Variants in PDCD6IP observed in about 807,000 individuals in gnomAD.
The protein encoded by PDCD6IP is programmed cell death 6-interacting protein.
PDCD6IP carries 43 observed loss-of-function variants against 103.7 expected under a neutral mutation model. The observed-to-expected ratio is 0.41, with a 90% CI of 0.32 to 0.53. The LOEUF is 0.53. Ranked by LOEUF, PDCD6IP falls within the 20% of genes least tolerant of loss-of-function variation. The probability of loss-of-function intolerance (pLI) is 0.16; values close to 1 mark genes in which losing one functional copy is unlikely to be tolerated. For missense variants in PDCD6IP, 871 were observed against 1,036.7 expected (o/e 0.84, Z 2.20); for synonymous variants, 354 against 378.7 (o/e 0.93, Z 0.76).
chr3:33,807,739 T>C (rs1553704897), intron 1 of PDCD6IP, among the ~76,000 whole-genome samples: 1 of 152,230 alleles, frequency 6.6e-6, no homozygotes. Flanking sequence ...AATTTTGGGA[T>C]GGCCCAACCT....
chr3:33,849,269 G>A (rs1273756103), intron 12 of PDCD6IP, among the ~76,000 whole-genome samples: 2 of 152,096 alleles, frequency 1.3e-5, no homozygotes, highest in Non-Finnish European at 2.9e-5. Context: ...GCTTGTGCCT[G>A]CCACAGGACT....
At position 33,838,232 on chromosome 3, in the gene PDCD6IP, A is replaced by G; in HGVS notation, c.1086A>G (p.Ser362=). The change falls in exon 9 of 18, where the codon TCA becomes TCG. Residue 362 remains serine, a synonymous_variant. Transcript: ENST00000307296. The part of the protein sequence containing the change: ...TDLFEKMVPV[S]VQQSLAAYNQ... ...TGTTTGAGAAGATGGTTCCCGTGTC[A>G]GTACAGCAGTCTTTGGCTGCCTATA... The G allele has an allele frequency of 6.2e-7, 1 of 1,613,614 alleles. No individual in the cohort carries two copies. Among genetic ancestry groups the G allele is most frequent in the Non-Finnish European group, 8.5e-7 (1 of 1,179,576 alleles).
intron 7 of PDCD6IP, among the ~76,000 whole-genome samples, chr3:33,833,224 T>C (rs887846978): frequency 1.3e-5 from 2 of 152,104 alleles, no homozygotes; most frequent in African/African-American, 4.8e-5. Context: ...ATATTAATAT[T>C]AATTAGTAGT....
At chr3:33,826,431 C>G in intron 5 of PDCD6IP, 49 bp from the exon 6 acceptor site, 4 of 1,279,624 alleles carry the variant, frequency 3.1e-6, no homozygotes, top group East Asian at 2.4e-5. Context: ...TGAGACATGT[C>G]AGATTAGCTC....
intron 15 of PDCD6IP, 142 bp from the exon 16 acceptor site, chr3:33,863,864 T>A (rs1382462893): frequency 3.1e-6 from 2 of 643,060 alleles, no homozygotes; most frequent in African/African-American, 3.7e-5. Context: ...TGTACTAATT[T>A]GAAATGTAGT....
intron 1 of PDCD6IP, among the ~76,000 whole-genome samples, chr3:33,804,059 T>C (rs1371788625): frequency 2.0e-5 from 3 of 152,196 alleles, no homozygotes; most frequent in African/African-American, 7.2e-5. Flanking sequence ...TGGATTCTCG[T>C]TGTTGGTTTG....
intron 10 of PDCD6IP, among the ~76,000 whole-genome samples, 188 bp downstream of exon 10, chr3:33,842,262 CAT>C: frequency 6.6e-6 from 1 of 152,258 alleles, no homozygotes; most frequent in South Asian, 2.1e-4. Flanking sequence ...GAATGGGTTT[CAT>C]TCTTATCTTA....
At chr3:33,804,256 G>C (rs909787256) in intron 1 of PDCD6IP, among the ~76,000 whole-genome samples, 2 of 152,188 alleles carry the variant, frequency 1.3e-5, no homozygotes, top group African/African-American at 2.4e-5. Context: ...TTGAATCTCA[G>C]GTTCCGCACA....
Position 33,848,408 on chromosome 3 carries a change from T to C in PDCD6IP, c.1641+2820T>C, listed in dbSNP as rs573183809. Among the ~76,000 whole-genome samples the C allele has an allele frequency of 5.7e-4, 84 of 147,310 alleles. No homozygotes were observed. In the South Asian group the frequency reaches 0.017, roughly 31 times the overall value. ...GATTTTGTTGAGGGCATTTCTTTCT[T>C]TCTTTTTTTTTTTTGAGACGGAGTC... On this transcript the variant is annotated intron_variant, in intron 12 of 17. Coordinates refer to ENST00000307296, the MANE Select transcript of PDCD6IP (RefSeq NM_013374.6).
intron 7 of PDCD6IP, among the ~76,000 whole-genome samples, chr3:33,833,249 C>T (rs985385514): frequency 4.6e-5 from 7 of 151,700 alleles, no homozygotes; most frequent in African/African-American, 1.7e-4. Context: ...AGTCATAATC[C>T]AGTATTATCC....
At chr3:33,810,986 A>G in intron 1 of PDCD6IP, 1 of 278,130 alleles carries the variant, frequency 3.6e-6, no homozygotes. Context: ...CTCCAGATCA[A>G]GTGATCCTCC....
rs985260257 is a variant in PDCD6IP at position 33,828,442 on chromosome 3, C to T, written c.718-411C>T. 2.6e-5 allele frequency: 4 copies of T among 153,036 alleles called. No homozygotes were observed. The Admixed American group carries it at 2.6e-4, about 10-fold the overall frequency. The allele number at this position is 153,036 out of a possible 1,614,324, so 9.5% of individuals were successfully genotyped here. A position where few individuals can be genotyped will look rare whatever the true frequency, so the allele number is the denominator to read the frequency against. ...ATGTGAGTAATGATGGTTTAGTTAA[C>T]TCTACAGGCTGGGTAAGGGCTCATA... is the stretch of plus-strand genomic sequence containing the variant. On this transcript the variant is annotated intron_variant, in intron 6 of 17. Transcript: ENST00000307296.
At chr3:33,832,763 C>G (rs76516141) in intron 7 of PDCD6IP, among the ~76,000 whole-genome samples, 1 of 152,116 alleles carries the variant, frequency 6.6e-6, no homozygotes, top group South Asian at 2.1e-4. Flanking sequence ...ATACTTGAGA[C>G]TGTTTTAATG....
chr3:33,818,031 C>T (rs1696894680), intron 3 of PDCD6IP, among the ~76,000 whole-genome samples: 1 of 148,900 alleles, frequency 6.7e-6, no homozygotes, highest in Admixed American at 6.7e-5. Flanking sequence ...ACATAATAGA[C>T]TGAGATATGT....
Position 33,809,456 on chromosome 3 carries a change from T to C in PDCD6IP, c.210-2616T>C, listed in dbSNP as rs1312337780. Among the ~76,000 whole-genome samples the C allele has an allele frequency of 2.0e-5, 3 of 152,112 alleles. No individual in the cohort carries two copies. In the East Asian group the frequency reaches 5.8e-4, roughly 29 times the overall value. On this transcript the variant is annotated intron_variant, in intron 1 of 17. Coordinates refer to ENST00000307296, the MANE Select transcript of PDCD6IP (RefSeq NM_013374.6). ...AATATCCTGAGATGAGGCTGGAGAG[T>C]TGGATGATAGCCATATCCTGTAAGA...
At position 33,798,953 on chromosome 3, in the gene PDCD6IP, G is replaced by T; in HGVS notation, c.209+16G>T. 1 of 1,516,122 alleles carries T rather than the reference G, an allele frequency of 6.6e-7. No homozygotes were observed. The allele number at this position is 1,516,122 out of a possible 1,614,324, so 93.9% of individuals were successfully genotyped here. A position where few individuals can be genotyped will look rare whatever the true frequency, so the allele number is the denominator to read the frequency against. ...CGCTCCTGAGGTGGGCGCGGGGCTG[G>T]GAGTGGGTAGGTTGTCTGCCAGCCG... On this transcript the variant is annotated intron_variant, in intron 1 of 17. Transcript: ENST00000307296.
intron 12 of PDCD6IP, among the ~76,000 whole-genome samples, chr3:33,848,427 C>T (rs1421437873): frequency 1.4e-5 from 2 of 144,772 alleles, no homozygotes; most frequent in East Asian, 2.1e-4. Context: ...TTTTTTGAGA[C>T]GGAGTCTTGC....
At chr3:33,806,628 A>T (rs535796280) in intron 1 of PDCD6IP, among the ~76,000 whole-genome samples, 1 of 152,354 alleles carries the variant, frequency 6.6e-6, no homozygotes, top group East Asian at 1.9e-4. Context: ...CAAAACTTGC[A>T]GCCTAGGTCT....
intron 9 of PDCD6IP, among the ~76,000 whole-genome samples, chr3:33,840,642 G>T (rs7618512): frequency 0.37 from 56,155 of 151,906 alleles, 11,630 homozygotes; most frequent in African/African-American, 0.56. Flanking sequence ...CCTTTTTGTC[G>T]TTACATAGTA....
Sources: gnomAD v4.1 joint callset for allele counts (sites outside exome capture counted in the v4.1 genomes callset) on GRCh38, gnomAD v4.1.1 for gene constraint, MANE v1.5 for transcripts, NCBI Gene and HGNC (gene_info 2026-07-23, HGNC 2026-07-21) for gene names.